VTA1: variants seen among roughly 807,000 people sequenced by gnomAD.
VTA1 encodes vesicle trafficking 1, also known as vacuolar protein sorting-associated protein VTA1 homolog.
In VTA1, 24 loss-of-function variants were observed where a neutral mutation model predicts 36.9. The observed-to-expected ratio is 0.65, with a 90% confidence interval of 0.47 to 0.91. The LOEUF is 0.91. Among genes scored for constraint, VTA1 ranks in the 40% least tolerant of loss-of-function variants. VTA1 has a pLI of 0.00. For synonymous variants in VTA1, 142 were observed against 130.2 expected (o/e 1.09, Z -0.62); for missense variants, 393 against 377.2 (o/e 1.04, Z -0.35).
intron 4 of VTA1, among the ~76,000 whole-genome samples, chr6:142,171,743 T>C (rs1235526857): frequency 6.6e-6 from 1 of 152,198 alleles, no homozygotes; most frequent in Non-Finnish European, 1.5e-5. Flanking sequence ...ATATGTGTTA[T>C]ATGAGTGATT....
intron 6 of VTA1, among the ~76,000 whole-genome samples, chr6:142,201,754 C>T (rs1452323814): frequency 2.6e-5 from 4 of 151,950 alleles, no homozygotes; most frequent in African/African-American, 7.2e-5. Flanking sequence ...CTCTGGCCTA[C>T]GCATTTCTCT....
rs988106331 is a variant in VTA1, at chr6:142,182,571, T to G, written c.412-6855T>G. Among the ~76,000 whole-genome samples, 11 of 152,212 alleles carry G rather than the reference T, an allele frequency of 7.2e-5. 1 individual carries two copies. The highest frequency in any genetic ancestry group is 7.2e-4 in the Admixed American group (11 of 15,298). On this transcript the variant is annotated intron_variant, in intron 4 of 7. Transcript: ENST00000367630. ...TTTTGAATGTAGAGCTGACAAAATT[T>G]TAACAGTTTCATTGGCAGAGTGTAA...
intron 2 of VTA1, among the ~76,000 whole-genome samples, chr6:142,166,640 G>T (rs1288475173): frequency 6.6e-6 from 1 of 151,230 alleles, no homozygotes; most frequent in Non-Finnish European, 1.5e-5. Flanking sequence ...GTTGAGACAG[G>T]GTCTCACTCT....
At chr6:142,149,264 G>T (rs1287894684) in intron 1 of VTA1, among the ~76,000 whole-genome samples, 1 of 152,090 alleles carries the variant, frequency 6.6e-6, no homozygotes. Flanking sequence ...CTCTCATCAG[G>T]CTTATGAAGA....
At position 142,218,959 on chromosome 6, in the gene VTA1, T is replaced by G. The variant is rs1776053192; in HGVS notation, c.*316T>G. Reference sequence around the variant, plus strand: ...ATGTGTACTGGGAATAAGCTTTGTATTTACATACATTAGGGGAATTTTTTA... The same window carrying G: ...ATGTGTACTGGGAATAAGCTTTGTAGTTACATACATTAGGGGAATTTTTTA... On this transcript the variant is annotated 3_prime_UTR_variant, in exon 8 of 8. Transcript: ENST00000367630. 2 of 174,894 alleles carry G rather than the reference T, an allele frequency of 1.1e-5. No individual in the cohort carries two copies. Among genetic ancestry groups the G allele is most frequent in the Admixed American group, 6.3e-5 (1 of 15,918 alleles). 10.8% of individuals were successfully genotyped at this position (174,894 alleles called of 1,614,324 possible). A position where few individuals can be genotyped will look rare whatever the true frequency, so the allele number is the denominator to read the frequency against.
chr6:142,157,721 A>G (rs1778689209), intron 1 of VTA1, among the ~76,000 whole-genome samples: 1 of 152,106 alleles, frequency 6.6e-6, no homozygotes. Flanking sequence ...CAGTCAAGGT[A>G]TATATATAGT....
At chr6:142,204,934 A>G (rs1351796013) in intron 7 of VTA1, among the ~76,000 whole-genome samples, 2 of 151,320 alleles carry the variant, frequency 1.3e-5, no homozygotes, top group Non-Finnish European at 1.5e-5. Flanking sequence ...CATGTTGGCC[A>G]GGGATGGTCT....
At chr6:142,160,966 G>C (rs1047783193) in intron 1 of VTA1, among the ~76,000 whole-genome samples, 2 of 151,812 alleles carry the variant, frequency 1.3e-5, no homozygotes, top group Admixed American at 6.6e-5. Context: ...GTCAGGAGTG[G>C]CTTTTTCTTA....
At chr6:142,162,423 C>T (rs962823985) in intron 1 of VTA1, among the ~76,000 whole-genome samples, 1 of 152,254 alleles carries the variant, frequency 6.6e-6, no homozygotes, top group African/African-American at 2.4e-5. Context: ...ATGACACTGT[C>T]GGTACCATCC....
intron 6 of VTA1, 60 bp from the exon 7 acceptor site, chr6:142,203,925 C>A: frequency 1.4e-6 from 2 of 1,387,592 alleles, no homozygotes; most frequent in East Asian, 2.3e-5. Context: ...AAGTGCTGCC[C>A]TGCTGTATAA....
At chr6:142,199,521 T>C (rs1168763344) in intron 6 of VTA1, among the ~76,000 whole-genome samples, 6 of 152,154 alleles carry the variant, frequency 3.9e-5, no homozygotes, top group Non-Finnish European at 8.8e-5. Context: ...ACTGTTCCTA[T>C]TATGTAACAC....
chr6:142,167,706 A>G (rs766444414), intron 2 of VTA1, among the ~76,000 whole-genome samples: 1 of 152,116 alleles, frequency 6.6e-6, no homozygotes, highest in Non-Finnish European at 1.5e-5. Flanking sequence ...ACTGTTAACT[A>G]CCCAAAATCA....
chr6:142,208,038 G>C (rs1211685462), intron 7 of VTA1, among the ~76,000 whole-genome samples: 1 of 140,892 alleles, frequency 7.1e-6, no homozygotes, highest in Non-Finnish European at 1.5e-5. Flanking sequence ...AGTGAGCCGA[G>C]ATCTCCCCAC....
intron 4 of VTA1, among the ~76,000 whole-genome samples, chr6:142,172,021 T>C (rs765791233): frequency 2.0e-5 from 3 of 152,222 alleles, no homozygotes; most frequent in Non-Finnish European, 4.4e-5. Flanking sequence ...GACTTTTCTT[T>C]TTTTGTGAGA....
chr6:142,169,485 T>A (rs1295435830), intron 2 of VTA1, 65 bp from the exon 3 acceptor site: 14 of 1,470,672 alleles, frequency 9.5e-6, no homozygotes, highest in Non-Finnish European at 1.2e-5. Context: ...ATTAGAATTG[T>A]TTGTAATTAA....
At chr6:142,156,394 G>A (rs1166972654) in intron 1 of VTA1, among the ~76,000 whole-genome samples, 1 of 152,158 alleles carries the variant, frequency 6.6e-6, no homozygotes, top group African/African-American at 2.4e-5. Flanking sequence ...AGTGGAGAGT[G>A]GAAAATGAAG....
At chr6:142,158,936 T>C (rs78523907) in intron 1 of VTA1, among the ~76,000 whole-genome samples, 4,797 of 152,268 alleles carry the variant, frequency 0.032, 256 homozygotes, top group African/African-American at 0.11. Context: ...GTTGTACTTA[T>C]ACGTATACCA....
rs569518105 is a variant in VTA1, at chr6:142,165,153, A to G, written c.113-1075A>G. Among the ~76,000 whole-genome samples, 18 of 152,372 alleles carry G rather than the reference A, an allele frequency of 1.2e-4. No homozygotes were observed. In the South Asian group the frequency reaches 3.5e-3, roughly 30 times the overall value. On this transcript the variant is annotated intron_variant, in intron 1 of 7. Transcript: ENST00000367630. ...AATATCTAACAGTTTTTTAGTGGTTAGGAAAATATAAAATCAAACAGAGTG... is the reference window on the plus strand; with the variant it reads ...AATATCTAACAGTTTTTTAGTGGTTGGGAAAATATAAAATCAAACAGAGTG...
intron 1 of VTA1, among the ~76,000 whole-genome samples, chr6:142,153,805 C>T (rs1778612182): frequency 6.6e-6 from 1 of 152,030 alleles, no homozygotes; most frequent in Non-Finnish European, 1.5e-5. Context: ...TTAGTTTTTG[C>T]ATTTTCTTTT....
Sources: allele counts gnomAD v4.1 joint callset (sites outside exome capture counted in the v4.1 genomes callset), GRCh38; gene constraint gnomAD v4.1.1; transcripts MANE v1.5; gene names NCBI Gene and HGNC (gene_info 2026-07-23, HGNC 2026-07-21).